Variants in ZWILCH observed in about 807,000 individuals in gnomAD.
ZWILCH encodes protein zwilch homolog.
Under a neutral mutation model 79.9 loss-of-function variants are expected in ZWILCH, and 74 were observed. The observed-to-expected ratio is 0.93, with a 90% CI of 0.77 to 1.12. The LOEUF (loss-of-function observed/expected upper bound fraction) is 1.12. Ranked by LOEUF, ZWILCH falls within the 50% of genes most tolerant of loss-of-function variation. ZWILCH has a pLI of 0.00. For missense variants in ZWILCH, 694 were observed against 687.5 expected, an observed-to-expected ratio of 1.01 and a Z score of -0.11; for synonymous variants, 241 against 228.2, an observed-to-expected ratio of 1.06 and a Z score of -0.51.
Position 66,549,682 on chromosome 15 carries a change from T to C in ZWILCH, c.*1358T>C, listed in dbSNP as rs746476292. Reference sequence around the variant, plus strand: ...AATAATTGCTTGCCGAATGAACAAATATAAGATCTCAAGTATTCTTTTTTC... The same window carrying C: ...AATAATTGCTTGCCGAATGAACAAACATAAGATCTCAAGTATTCTTTTTTC... On this transcript the variant is annotated 3_prime_UTR_variant, in exon 19 of 19. Transcript: ENST00000307897. 19 of 163,146 alleles carry C rather than the reference T, an allele frequency of 1.2e-4. No homozygotes were observed. Among genetic ancestry groups the C allele is most frequent in the Non-Finnish European group, 2.5e-4 (19 of 75,506 alleles). 10.1% of individuals were successfully genotyped at this position (163,146 alleles called of 1,614,324 possible). A position where few individuals can be genotyped will look rare whatever the true frequency, so the allele number is the denominator to read the frequency against.
intron 17 of ZWILCH, 90 bp downstream of exon 17, chr15:66,540,300 C>T (rs1895153462): frequency 2.8e-6 from 3 of 1,086,890 alleles, no homozygotes; most frequent in African/African-American, 3.3e-5. Context: ...GCCTGTAATC[C>T]CAGCACTTTG....
intron 7 of ZWILCH, 115 bp from the exon 8 acceptor site, chr15:66,523,562 C>T: frequency 3.1e-6 from 2 of 655,670 alleles, no homozygotes; most frequent in Non-Finnish European, 5.3e-6. Flanking sequence ...TTCATTGGTC[C>T]TTTATGAAAT....
At chr15:66,542,644 T>G (rs931554248) in intron 17 of ZWILCH, among the ~76,000 whole-genome samples, 1 of 152,086 alleles carries the variant, frequency 6.6e-6, no homozygotes, top group Non-Finnish European at 1.5e-5. Flanking sequence ...AAGAAAAATA[T>G]TAATAGCTCA....
At chr15:66,542,598 C>T (rs577862545) in intron 17 of ZWILCH, among the ~76,000 whole-genome samples, 43 of 151,914 alleles carry the variant, frequency 2.8e-4, no homozygotes, top group African/African-American at 8.0e-4. Flanking sequence ...AAAAGAAATT[C>T]GCAACCCATG....
chr15:66,520,972 G>T (rs982175743), intron 6 of ZWILCH, 78 bp from the exon 7 acceptor site: 5 of 1,499,022 alleles, frequency 3.3e-6, no homozygotes, highest in Admixed American at 4.1e-5. Context: ...TTGGGACAAG[G>T]ATCAAAATAA....
intron 18 of ZWILCH, chr15:66,547,313 C>T (rs1895414248): frequency 6.6e-6 from 1 of 151,166 alleles, no homozygotes; most frequent in African/African-American, 2.4e-5. Context: ...ATTCTCCTGC[C>T]TCAGCCTCCC....
intron 8 of ZWILCH, among the ~76,000 whole-genome samples, chr15:66,524,081 C>T (rs1894594785): frequency 6.6e-6 from 1 of 151,992 alleles, no homozygotes; most frequent in Non-Finnish European, 1.5e-5. Context: ...TACTTTGTGG[C>T]TATTATGAAT....
intron 8 of ZWILCH, among the ~76,000 whole-genome samples, chr15:66,525,749 C>T: frequency 6.9e-6 from 1 of 145,598 alleles, no homozygotes; most frequent in Admixed American, 7.1e-5. Flanking sequence ...ATTATATTCA[C>T]ATTTTTCTTT....
chr15:66,515,733 C>T (rs1412845859), intron 4 of ZWILCH, 89 bp downstream of exon 4: 2 of 855,478 alleles, frequency 2.3e-6, no homozygotes, highest in African/African-American at 1.7e-5. Flanking sequence ...GGCCTCTAGC[C>T]CTTATATCTT....
In ZWILCH at chr15:66,545,490, A is replaced by G. The variant is rs1177789557; in HGVS notation, c.1688-1101A>G. 2.0e-5 allele frequency among the ~76,000 whole-genome samples: 3 copies of G among 152,242 alleles called. No individual in the cohort carries two copies. The East Asian group carries it at 5.8e-4, about 29-fold the overall frequency. On this transcript the variant is annotated intron_variant, in intron 17 of 18. Coordinates refer to ENST00000307897, the MANE Select transcript of ZWILCH (RefSeq NM_017975.5). ...ACACATCATTTAATGTCTTTTTGAC[A>G]TGGATTGCAACAAAAAAGAGTGAAA...
chr15:66,515,664 G>A lies in ZWILCH; in HGVS notation c.320+20G>A. On this transcript the variant is annotated intron_variant, in intron 4 of 18. Coordinates refer to ENST00000307897, the MANE Select transcript of ZWILCH (RefSeq NM_017975.5). ...GGCAAGGTAGGTTTTCTCTTATGCT[G>A]AGTAGGGGTGGCAACTAGGATTTAA... 2 of 1,505,392 alleles carry A rather than the reference G, an allele frequency of 1.3e-6. No homozygotes were observed. The highest frequency in any genetic ancestry group is 1.8e-6 in the Non-Finnish European group (2 of 1,083,228). The allele number at this position is 1,505,392 out of a possible 1,614,324, so 93.3% of individuals were successfully genotyped here. A position where few individuals can be genotyped will look rare whatever the true frequency, so the allele number is the denominator to read the frequency against.
intron 12 of ZWILCH, among the ~76,000 whole-genome samples, chr15:66,532,021 C>T (rs1471899469): frequency 1.3e-5 from 2 of 152,028 alleles, no homozygotes; most frequent in South Asian, 2.1e-4. Context: ...GAGCCGAGAT[C>T]GTGCCACTGC....
At chr15:66,521,019 C>T in intron 6 of ZWILCH, 31 bp from the exon 7 acceptor site, 1 of 1,607,238 alleles carries the variant, frequency 6.2e-7, no homozygotes, top group Non-Finnish European at 8.5e-7. Flanking sequence ...GGAAGCACAG[C>T]TAAATGATCT....
intron 6 of ZWILCH, 32 bp downstream of exon 6, chr15:66,520,692 C>T (rs1894459805): frequency 7.1e-7 from 1 of 1,414,854 alleles, no homozygotes; most frequent in Admixed American, 2.2e-5. Context: ...ATATTATTTT[C>T]TTCAAATTGT....
chr15:66,506,761 A>G (rs1218587959), intron 1 of ZWILCH, among the ~76,000 whole-genome samples: 1 of 152,108 alleles, frequency 6.6e-6, no homozygotes, highest in African/African-American at 2.4e-5. Flanking sequence ...GGACTGCTTG[A>G]GCCCAGGAGT....
chr15:66,521,021 A>G (rs778691111), intron 6 of ZWILCH, 29 bp from the exon 7 acceptor site: 1 of 1,607,920 alleles, frequency 6.2e-7, no homozygotes, highest in Non-Finnish European at 8.5e-7. Flanking sequence ...AAGCACAGCT[A>G]AATGATCTGC....
intron 12 of ZWILCH, among the ~76,000 whole-genome samples, chr15:66,530,453 T>C (rs1294193630): frequency 6.6e-6 from 1 of 152,016 alleles, no homozygotes; most frequent in African/African-American, 2.4e-5. Flanking sequence ...CTGGCCAATA[T>C]GGTAAAACCC....
Position 66,548,606 on chromosome 15 carries a change from C to A in ZWILCH, c.*282C>A. On this transcript the variant is annotated 3_prime_UTR_variant, in exon 19 of 19. Transcript: ENST00000307897. ...ATTTGCATGTGACTTAGCAAGGGCT[C>A]TGAAATGACAAAGAGAACGAGCACC... 6.6e-7 allele frequency: 1 copy of A among 1,524,334 alleles called. No individual in the cohort carries two copies. Among genetic ancestry groups the A allele is most frequent in the South Asian group, 1.1e-5 (1 of 89,094 alleles). The allele number at this position is 1,524,334 out of a possible 1,614,324, so 94.4% of individuals were successfully genotyped here.
chr15:66,526,022 C>A (rs180945960), intron 8 of ZWILCH, among the ~76,000 whole-genome samples: 2 of 152,202 alleles, frequency 1.3e-5, no homozygotes, highest in African/African-American at 4.8e-5. Flanking sequence ...TCTCGGCCAC[C>A]CAAAGTGCTG....
Sources: allele counts gnomAD v4.1 joint callset (sites outside exome capture counted in the v4.1 genomes callset), GRCh38; gene constraint gnomAD v4.1.1; transcripts MANE v1.5; gene names NCBI Gene and HGNC (gene_info 2026-07-23, HGNC 2026-07-21).